Variants in PGM3 observed in about 807,000 individuals in gnomAD.
PGM3 encodes the protein phosphoglucomutase 3, also known as phosphoacetylglucosamine mutase.
A neutral mutation model predicts 66.2 loss-of-function variants in PGM3; 40 were observed. The ratio of observed to expected loss-of-function variants is 0.60; its 90% CI spans 0.47 to 0.79. The LOEUF (loss-of-function observed/expected upper bound fraction) is 0.79, where lower values mean the gene tolerates loss of function less well. Among genes scored for constraint, PGM3 ranks in the 30% least tolerant of loss-of-function variants. The pLI is 0.00. For synonymous variants in PGM3, 191 were observed against 224.2 expected (o/e 0.85, Z 1.32); for missense variants, 537 against 643.4 (o/e 0.83, Z 1.79).
At chr6:83,155,752 A>T in the PGM3 span, among the ~76,000 whole-genome samples, 1 of 152,222 alleles carries the variant, frequency 6.6e-6, no homozygotes, top group Admixed American at 6.5e-5. Context: ...CTCCATCACA[A>T]TTCCTACCAT....
intron 3 of PGM3, among the ~76,000 whole-genome samples, chr6:83,188,098 T>C (rs1788721520): frequency 6.6e-6 from 1 of 152,220 alleles, no homozygotes; most frequent in Non-Finnish European, 1.5e-5. Context: ...TTGCAAAGTA[T>C]ACTTTTCATC....
Position 83,166,832 on chromosome 6 carries a change from A to C in PGM3, c.*2402T>G. 1 of 1,007,742 alleles carries C rather than the reference A, an allele frequency of 9.9e-7. No individual in the cohort carries two copies. The highest frequency in any genetic ancestry group is 5.9e-5 in the Admixed American group (1 of 16,904). The allele number at this position is 1,007,742 out of a possible 1,614,324, so 62.4% of individuals were successfully genotyped here. Reference sequence around the variant, plus strand: ...GGTAAACAATGAAAGTTTCTGAGCAACATCTGATCTTAGAAGGCAAACTCC... The same window carrying C: ...GGTAAACAATGAAAGTTTCTGAGCACCATCTGATCTTAGAAGGCAAACTCC... On this transcript the variant is annotated 3_prime_UTR_variant, in exon 13 of 13. Coordinates refer to ENST00000513973, the MANE Select transcript of PGM3 (RefSeq NM_015599.3).
chr6:83,151,778 A>G, the PGM3 span: 2 of 1,437,658 alleles, frequency 1.4e-6, no homozygotes, highest in Middle Eastern at 1.8e-4. Context: ...ATGGGAATCA[A>G]CAAGTCTATT....
chr6:83,170,454 T>C lies in PGM3; in HGVS notation c.1390A>G (p.Thr464Ala). 3.1e-6 allele frequency: 5 copies of C among 1,614,080 alleles called. No homozygotes were observed. Among genetic ancestry groups the C allele is most frequent in the Non-Finnish European group, 4.2e-6 (5 of 1,179,932 alleles). ...VQVADRRVISTTDAERQAVTP... is the reference protein window; with the variant it reads ...VQVADRRVISATDAERQAVTP... ...ACTGCTTGTCTTTCAGCATCGGTAGTGCTAATAACTCTCCTGTCTGCAACC... is the reference window on the plus strand; with the variant it reads ...ACTGCTTGTCTTTCAGCATCGGTAGCGCTAATAACTCTCCTGTCTGCAACC... Residue 464 changes from threonine (T) to alanine (A), a missense_variant, in exon 12 of 13, where the codon ACT becomes GCT. Thr to Ala is a moderately conservative substitution (Grantham distance 58, BLOSUM62 0). Coordinates refer to ENST00000513973, the MANE Select transcript of PGM3 (RefSeq NM_015599.3).
chr6:83,179,515 T>G (rs561409386), intron 7 of PGM3, among the ~76,000 whole-genome samples: 9 of 152,246 alleles, frequency 5.9e-5, no homozygotes, highest in Admixed American at 5.2e-4. Context: ...AGGGCTTTTA[T>G]GGAGTGACCA....
rs928963554 is a variant in PGM3, at chr6:83,166,390, C to T, written c.*2844G>A. Reference sequence around the variant, plus strand: ...CTTTGCAAAACTTCTTGAGCCATCACGGCACTGTATGTTCATTAGCAGTTC... The same window carrying T: ...CTTTGCAAAACTTCTTGAGCCATCATGGCACTGTATGTTCATTAGCAGTTC... On this transcript the variant is annotated 3_prime_UTR_variant, in exon 13 of 13. Transcript: ENST00000513973. 1.6e-5 allele frequency: 11 copies of T among 701,560 alleles called. No homozygotes were observed. Among genetic ancestry groups the T allele is most frequent in the Admixed American group, 4.0e-5 (2 of 49,924 alleles). The allele number at this position is 701,560 out of a possible 1,614,324, so 43.5% of individuals were successfully genotyped here. A position where few individuals can be genotyped will look rare whatever the true frequency, so the allele number is the denominator to read the frequency against.
rs2128446139 is a variant in PGM3 at position 83,164,918 on chromosome 6, A to T, written c.*4316T>A. ...TTTATTTAATATTGAGACAATACATATAGTTCTGATTAAGAGCATCAGAAA... is the reference window on the plus strand; with the variant it reads ...TTTATTTAATATTGAGACAATACATTTAGTTCTGATTAAGAGCATCAGAAA... On this transcript the variant is annotated 3_prime_UTR_variant, in exon 13 of 13. Coordinates refer to ENST00000513973, the MANE Select transcript of PGM3 (RefSeq NM_015599.3). The T allele has an allele frequency of 3.9e-6, 2 of 510,946 alleles. No homozygotes were observed. Among genetic ancestry groups the T allele is most frequent in the East Asian group, 6.7e-5 (2 of 29,942 alleles). 31.7% of individuals were successfully genotyped at this position (510,946 alleles called of 1,614,324 possible).
downstream of PGM3, chr6:83,164,665 G>A (rs766918613): frequency 8.2e-6 from 13 of 1,577,772 alleles, no homozygotes; most frequent in South Asian, 1.3e-4. Flanking sequence ...CACAGGACAA[G>A]GAGGAGGACT....
downstream of PGM3, among the ~76,000 whole-genome samples, chr6:83,160,876 A>G (rs1234724436): frequency 6.6e-6 from 1 of 151,996 alleles, no homozygotes; most frequent in African/African-American, 2.4e-5. Context: ...AAAATTTGCT[A>G]TTTTACAAGC....
intron 7 of PGM3, among the ~76,000 whole-genome samples, chr6:83,179,041 T>C (rs1787979501): frequency 6.6e-6 from 1 of 152,216 alleles, no homozygotes; most frequent in Non-Finnish European, 1.5e-5. Context: ...CCAGGCACGG[T>C]GGCTCACGCC....
At chr6:83,164,235 G>C (rs1306768972), downstream of PGM3, among the ~76,000 whole-genome samples, 5 of 151,060 alleles carry the variant, frequency 3.3e-5, no homozygotes, top group Non-Finnish European at 7.4e-5. Flanking sequence ...GATTTTGCTG[G>C]AAGGAATTTA....
the PGM3 span, chr6:83,152,385 T>C: frequency 1.7e-6 from 2 of 1,203,414 alleles, no homozygotes; most frequent in Non-Finnish European, 2.3e-6. Flanking sequence ...TTAAGCTTTT[T>C]CACATGAACT....
chr6:83,185,976 T>A (rs895309356), intron 4 of PGM3, among the ~76,000 whole-genome samples: 1 of 152,068 alleles, frequency 6.6e-6, no homozygotes. Flanking sequence ...TTTAACATTA[T>A]GGAAAGCTAC....
rs147467373 is a variant in PGM3 at position 83,190,108 on chromosome 6, G to A, written c.204+701C>T. On this transcript the variant is annotated intron_variant, in intron 2 of 12. Coordinates refer to ENST00000513973, the MANE Select transcript of PGM3 (RefSeq NM_015599.3). Reference sequence around the variant, plus strand: ...AATATATATTGAAAATGTGTTGAGCGTACGTCTTAAGTATTCCCACCACAA... The same window carrying A: ...AATATATATTGAAAATGTGTTGAGCATACGTCTTAAGTATTCCCACCACAA... Among the ~76,000 whole-genome samples the A allele has an allele frequency of 6.2e-3, 948 of 152,276 alleles. 11 individuals are homozygous for A. Among genetic ancestry groups the A allele is most frequent in the African/African-American group, 0.022 (899 of 41,548 alleles).
chr6:83,174,795 C>G (rs1355194406), intron 9 of PGM3, among the ~76,000 whole-genome samples: 1 of 152,158 alleles, frequency 6.6e-6, no homozygotes, highest in Admixed American at 6.5e-5. Context: ...TCCCTTTAAC[C>G]AGCTAAATCA....
downstream of PGM3, among the ~76,000 whole-genome samples, chr6:83,161,892 G>A (rs1275625828): frequency 6.6e-6 from 1 of 152,138 alleles, no homozygotes; most frequent in African/African-American, 2.4e-5. Context: ...AGTATCCACT[G>A]TGGTACTTTG....
chr6:83,168,261 G>T lies in PGM3; in HGVS notation c.*973C>A. The T allele has an allele frequency of 6.8e-7, 1 of 1,459,880 alleles. No individual in the cohort carries two copies. 90.4% of individuals were successfully genotyped at this position (1,459,880 alleles called of 1,614,324 possible). ...TTGTATAGTTTTTCCTTTTTTGTATGTAACAGAACACATTTCAGATTGTAT... is the reference window on the plus strand; with the variant it reads ...TTGTATAGTTTTTCCTTTTTTGTATTTAACAGAACACATTTCAGATTGTAT... On this transcript the variant is annotated 3_prime_UTR_variant, in exon 13 of 13. Transcript: ENST00000513973.
At chr6:83,193,832 G>A (rs1308214566), upstream of PGM3, 1 of 152,688 alleles carries the variant, frequency 6.5e-6, no homozygotes, top group African/African-American at 2.4e-5. Context: ...CCCTTATCCT[G>A]GGTCCCTCGG....
chr6:83,169,415 A>C, intron 12 of PGM3, 92 bp from the exon 13 acceptor site: 3 of 1,434,568 alleles, frequency 2.1e-6, no homozygotes, highest in Non-Finnish European at 2.8e-6. Context: ...TGGGGAAGAG[A>C]GGGGTGATTC....
Sources: allele counts gnomAD v4.1 joint callset (sites outside exome capture counted in the v4.1 genomes callset), GRCh38; gene constraint gnomAD v4.1.1; transcripts MANE v1.5; gene names NCBI Gene and HGNC (gene_info 2026-07-23, HGNC 2026-07-21).